Variants in ACTR3 observed in about 807,000 individuals in gnomAD.
ACTR3 encodes actin related protein 3.
In ACTR3, 12 loss-of-function variants were observed where a neutral mutation model predicts 56.8. The ratio of observed to expected loss-of-function variants is 0.21; its 90% CI spans 0.14 to 0.34. The LOEUF is 0.34. Ranked by LOEUF, ACTR3 falls within the 10% of genes least tolerant of loss-of-function variation. The probability of loss-of-function intolerance (pLI) is 1.00; values close to 1 mark genes in which losing one functional copy is unlikely to be tolerated. For missense variants in ACTR3, 282 were observed against 512.5 expected (o/e 0.55, Z 4.34); for synonymous variants, 162 against 167.4 (o/e 0.97, Z 0.25).
chr2:113,913,305 C>A, intron 2 of ACTR3, 78 bp downstream of exon 2: 2 of 1,122,356 alleles, frequency 1.8e-6, no homozygotes, highest in Non-Finnish European at 2.6e-6. Flanking sequence ...AAGAAGTAAT[C>A]AGTTCTGAAA....
At chr2:113,932,769 T>A (rs1214890006) in intron 5 of ACTR3, among the ~76,000 whole-genome samples, 4 of 152,128 alleles carry the variant, frequency 2.6e-5, no homozygotes, top group Admixed American at 6.5e-5. Flanking sequence ...TATATATATA[T>A]AACTAGTATT....
At chr2:113,938,679 C>G (rs1486810909) in intron 6 of ACTR3, among the ~76,000 whole-genome samples, 3 of 152,132 alleles carry the variant, frequency 2.0e-5, no homozygotes, top group Non-Finnish European at 2.9e-5. Context: ...CTACTTTTTT[C>G]TAGAGGTCCT....
At chr2:113,890,005 G>A, upstream of ACTR3, 3 of 550,698 alleles carry the variant, frequency 5.4e-6, no homozygotes, top group Non-Finnish European at 6.4e-6. Context: ...AGAAGTTGTA[G>A]GGTGGGGGCA....
At chr2:113,903,173 C>A (rs989257935) in intron 1 of ACTR3, among the ~76,000 whole-genome samples, 2 of 152,196 alleles carry the variant, frequency 1.3e-5, no homozygotes, top group African/African-American at 4.8e-5. Context: ...TGGCAACTGC[C>A]GTGCTACTTA....
In ACTR3 at chr2:113,959,171, C is replaced by T. The variant is rs184624877; in HGVS notation, c.*1716C>T. 1 of 152,076 alleles carries T rather than the reference C, an allele frequency of 6.6e-6. No homozygotes were observed. The highest frequency in any genetic ancestry group is 6.5e-5 in the Admixed American group (1 of 15,274). 9.4% of individuals were successfully genotyped at this position (152,076 alleles called of 1,614,324 possible). A position where few individuals can be genotyped will look rare whatever the true frequency, so the allele number is the denominator to read the frequency against. On this transcript the variant is annotated 3_prime_UTR_variant, in exon 12 of 12. Coordinates refer to ENST00000263238, the MANE Select transcript of ACTR3 (RefSeq NM_005721.5). Reference sequence around the variant, plus strand: ...TCCCTAGCCTGTCTCATTTTTCCATCATTACACAGACTACTTGGAATGTCT... The same window carrying T: ...TCCCTAGCCTGTCTCATTTTTCCATTATTACACAGACTACTTGGAATGTCT...
At chr2:113,944,339 A>T (rs1356524686) in intron 8 of ACTR3, among the ~76,000 whole-genome samples, 1 of 152,060 alleles carries the variant, frequency 6.6e-6, no homozygotes, top group African/African-American at 2.4e-5. Flanking sequence ...AAGAGGGCTT[A>T]CTCCAGTTAC....
intron 4 of ACTR3, among the ~76,000 whole-genome samples, chr2:113,929,135 T>TG (rs1338684646): frequency 7.2e-5 from 11 of 152,116 alleles, no homozygotes; most frequent in Non-Finnish European, 1.3e-4. Context: ...TTTTTGTTTT[T>TG]TTTTTGTTTT....
chr2:113,939,994 C>T lies in ACTR3; in HGVS notation c.576C>T (p.His192=), dbSNP rs1679896127. ...EGYVIGSCIK[H]IPIAGRDITY... ...ATGTGATTGGCAGCTGTATTAAACA[C>T]ATTCCAATCGCAGGACGAGATATAA... is the stretch of plus-strand genomic sequence containing the variant. Residue 192 remains histidine (H), a synonymous_variant, in exon 7 of 12, where the codon CAC becomes CAT. Transcript: ENST00000263238. 4 of 1,612,800 alleles carry T rather than the reference C, an allele frequency of 2.5e-6. No individual in the cohort carries two copies. The highest frequency in any genetic ancestry group is 1.3e-5 in the African/African-American group (1 of 74,886).
chr2:113,959,481 A>G lies in ACTR3; in HGVS notation c.*2026A>G, dbSNP rs1233920835. 6.6e-6 allele frequency: 1 copy of G among 152,076 alleles called. No homozygotes were observed. The highest frequency in any genetic ancestry group is 1.5e-5 in the Non-Finnish European group (1 of 67,934). The allele number at this position is 152,076 out of a possible 1,614,324, so 9.4% of individuals were successfully genotyped here. ...AAGCTATTTGATGACAATCTCAGGC[A>G]TATTTATACAGAGATGTTCTTAACT... On this transcript the variant is annotated 3_prime_UTR_variant, in exon 12 of 12. Coordinates refer to ENST00000263238, the MANE Select transcript of ACTR3 (RefSeq NM_005721.5).
At position 113,961,449 on chromosome 2, in the gene ACTR3, A is replaced by G. The variant is rs545460326; in HGVS notation, c.*3994A>G. On this transcript the variant is annotated 3_prime_UTR_variant, in exon 12 of 12. Coordinates refer to ENST00000263238, the MANE Select transcript of ACTR3 (RefSeq NM_005721.5). ...TGAAAGAAAAAAAATGAAAGATTAA[A>G]AGTATACGATATTCTATTTTGATTT... 4 of 152,120 alleles carry G rather than the reference A, an allele frequency of 2.6e-5. No homozygotes were observed. The highest frequency in any genetic ancestry group is 7.2e-5 in the African/African-American group (3 of 41,572). The allele number at this position is 152,120 out of a possible 1,614,324, so 9.4% of individuals were successfully genotyped here.
intron 2 of ACTR3, among the ~76,000 whole-genome samples, chr2:113,914,759 A>G (rs973335609): frequency 6.6e-6 from 1 of 152,090 alleles, no homozygotes; most frequent in African/African-American, 2.4e-5. Flanking sequence ...TCCTATTTTG[A>G]TACACTTTTC....
At chr2:113,948,754 T>C (rs879326693) in intron 8 of ACTR3, among the ~76,000 whole-genome samples, 1 of 152,090 alleles carries the variant, frequency 6.6e-6, no homozygotes, top group Non-Finnish European at 1.5e-5. Context: ...CTCCAAACTC[T>C]CTTCAGTAGT....
intron 1 of ACTR3, among the ~76,000 whole-genome samples, chr2:113,905,458 C>T (rs933918648): frequency 6.7e-6 from 1 of 149,616 alleles, no homozygotes; most frequent in Non-Finnish European, 1.5e-5. Context: ...GAACAAGACT[C>T]CGTCTCAAAA....
At chr2:113,890,057 C>A, upstream of ACTR3, 1 of 568,874 alleles carries the variant, frequency 1.8e-6, no homozygotes, top group East Asian at 3.2e-5. Flanking sequence ...GAGGCCGCGG[C>A]GGGGCAGGGC....
At chr2:113,949,738 T>G (rs1027602278) in intron 8 of ACTR3, among the ~76,000 whole-genome samples, 2 of 152,084 alleles carry the variant, frequency 1.3e-5, no homozygotes, top group African/African-American at 4.8e-5. Flanking sequence ...AGTTTTTAAA[T>G]TTTTTGTAGA....
At chr2:113,891,920 GGTGA>G (rs1678909773) in intron 1 of ACTR3, among the ~76,000 whole-genome samples, 1 of 151,888 alleles carries the variant, frequency 6.6e-6, no homozygotes, top group African/African-American at 2.4e-5. Context: ...TAGTCTAATT[GGTGA>G]GTATTTTTAT....
intron 1 of ACTR3, among the ~76,000 whole-genome samples, chr2:113,898,164 T>A (rs762589929): frequency 8.6e-5 from 13 of 152,012 alleles, no homozygotes; most frequent in Non-Finnish European, 1.9e-4. Flanking sequence ...GTTATAGAGA[T>A]TATTTTAGTT....
At chr2:113,941,422 A>G (rs770563634) in intron 7 of ACTR3, among the ~76,000 whole-genome samples, 4 of 152,190 alleles carry the variant, frequency 2.6e-5, no homozygotes, top group Non-Finnish European at 4.4e-5. Flanking sequence ...GAAGACCTCA[A>G]ATAGTGTAAT....
intron 4 of ACTR3, among the ~76,000 whole-genome samples, chr2:113,927,953 C>T (rs535752861): frequency 3.9e-5 from 6 of 152,228 alleles, no homozygotes; most frequent in South Asian, 2.1e-4. Context: ...TCATATTCCC[C>T]GGAGGCAAAC....
Sources: gnomAD v4.1 joint callset for allele counts (sites outside exome capture counted in the v4.1 genomes callset) on GRCh38, gnomAD v4.1.1 for gene constraint, MANE v1.5 for transcripts, NCBI Gene and HGNC (gene_info 2026-07-23, HGNC 2026-07-21) for gene names.